The following TOP2B variants were observed in gnomAD, a reference collection of about 807,000 sequenced individuals.
The protein encoded by TOP2B is DNA topoisomerase II beta, also known as DNA topoisomerase 2-beta.
TOP2B carries 51 observed loss-of-function variants against 193.5 expected under a neutral mutation model. That is an observed-to-expected ratio of 0.26 (90% confidence interval 0.21 to 0.33). The LOEUF is 0.33. Ranked by LOEUF, TOP2B falls within the 10% of genes least tolerant of loss-of-function variation. TOP2B has a pLI of 1.00. For synonymous variants in TOP2B, 634 were observed against 635.7 expected, an observed-to-expected ratio of 1.00 and a Z score of 0.04; for missense variants, 1,378 against 1,909.3, an observed-to-expected ratio of 0.72 and a Z score of 5.19.
rs1702578491 is a variant in TOP2B at position 25,618,721 on chromosome 3, T to C, written c.3192A>G (p.Ala1064=). Residue 1064 remains alanine (A), a synonymous_variant, in exon 24 of 36, where the codon GCA becomes GCG. Coordinates refer to ENST00000264331, the MANE Select transcript of TOP2B (RefSeq NM_001330700.2). The part of the protein sequence containing the change: ...RKEWLVGMLG[A]ESTKLNNQAR... ...CTTGATTGTTAAGCTTTGTAGATTC[T>C]GCTCCCAACATTCCCACAAGCCACT... The C allele has an allele frequency of 5.0e-6, 8 of 1,613,528 alleles. No individual in the cohort carries two copies. The East Asian group carries it at 1.8e-4, about 36-fold the overall frequency.
At chr3:25,618,559 T>C in intron 24 of TOP2B, 50 bp from the exon 25 acceptor site, 1 of 1,545,260 alleles carries the variant, frequency 6.5e-7, no homozygotes, top group Non-Finnish European at 8.8e-7. Flanking sequence ...ATTCAATTTG[T>C]ATTTGCTTAT....
At chr3:25,637,101 G>GAAA in intron 6 of TOP2B, 114 bp downstream of exon 6, 2 of 708,380 alleles carry the variant, frequency 2.8e-6, no homozygotes, top group Non-Finnish European at 2.3e-6. Flanking sequence ...TAATGCTTTG[G>GAAA]AAAAAAAAAA....
At chr3:25,608,177 T>C (rs1329055499) in intron 30 of TOP2B, among the ~76,000 whole-genome samples, 3 of 152,092 alleles carry the variant, frequency 2.0e-5, no homozygotes, top group South Asian at 2.1e-4. Flanking sequence ...ATTTTTTAGA[T>C]GAATGAAAAA....
chr3:25,624,479 A>C lies in TOP2B; in HGVS notation c.2347-34T>G, dbSNP rs375691389. On this transcript the variant is annotated intron_variant, in intron 19 of 35. Coordinates refer to ENST00000264331, the MANE Select transcript of TOP2B (RefSeq NM_001330700.2). ...CAGAAGAAGGCAGAACATAACATTA[A>C]TATTCTAAATTTTCTATAATTACTC... is the stretch of plus-strand genomic sequence containing the variant. The C allele has an allele frequency of 3.7e-5, 59 of 1,584,936 alleles. No homozygotes were observed. In the African/African-American group the frequency reaches 6.4e-4, roughly 17 times the overall value.
At chr3:25,635,540 TAAAAAC>T (rs1174496119) in intron 7 of TOP2B, among the ~76,000 whole-genome samples, 1 of 152,068 alleles carries the variant, frequency 6.6e-6, no homozygotes, top group Non-Finnish European at 1.5e-5. Flanking sequence ...ATGGAAATGT[TAAAAAC>T]AAAAAACATA....
chr3:25,639,801 T>C (rs901383086), intron 4 of TOP2B, among the ~76,000 whole-genome samples: 7 of 152,210 alleles, frequency 4.6e-5, no homozygotes, highest in African/African-American at 1.7e-4. Flanking sequence ...CATGACCTTT[T>C]CCTTAAATTT....
chr3:25,662,380 A>T (rs776389772), intron 1 of TOP2B, among the ~76,000 whole-genome samples: 5 of 152,230 alleles, frequency 3.3e-5, no homozygotes, highest in African/African-American at 4.8e-5. Context: ...ATGCTCATAT[A>T]ACCTTAGAGT....
rs1357137757 is a variant in TOP2B, at chr3:25,642,357, A to C, written c.360T>G (p.Asp120Glu). Residue 120 changes from aspartate (D) to glutamate (E), a missense_variant, in exon 4 of 36, where the codon GAT (aspartate) becomes GAG (glutamate). This residue lies in a region of TOP2B where 21 missense variants were observed against 19.6 expected (regional missense o/e 1.07). Coordinates refer to ENST00000264331, the MANE Select transcript of TOP2B (RefSeq NM_001330700.2). ...AAACTTTAATACAAGTCATGTTCTT[A>C]TCCCTCTGTTTATTGTCAGCAGCAT... is the stretch of plus-strand genomic sequence containing the variant. Reference protein sequence around the residue: ...LVNAADNKQRDKNMTCIKVSI... With the variant: ...LVNAADNKQREKNMTCIKVSI... 1 of 1,549,360 alleles carries C rather than the reference A, an allele frequency of 6.5e-7. No homozygotes were observed. The highest frequency in any genetic ancestry group is 8.7e-7 in the Non-Finnish European group (1 of 1,144,716).
intron 21 of TOP2B, 70 bp from the exon 22 acceptor site, chr3:25,620,886 A>G: frequency 6.7e-7 from 1 of 1,489,890 alleles, no homozygotes. Flanking sequence ...ATGGTCTAAC[A>G]TTGACAGATT....
At chr3:25,619,414 G>A (rs1428534596) in intron 23 of TOP2B, among the ~76,000 whole-genome samples, 1 of 151,944 alleles carries the variant, frequency 6.6e-6, no homozygotes, top group Non-Finnish European at 1.5e-5. Context: ...AGATCTAAAA[G>A]CTAATTTGGA....
In TOP2B at chr3:25,615,513, T is replaced by G; in HGVS notation, c.3425A>C (p.Asp1142Ala). 1 of 1,577,926 alleles carries G rather than the reference T, an allele frequency of 6.3e-7. No individual in the cohort carries two copies. The highest frequency in any genetic ancestry group is 8.6e-7 in the Non-Finnish European group (1 of 1,161,292). ...SSDSGTPSGPDFNYILNMSLW... is the reference protein window; with the variant it reads ...SSDSGTPSGPAFNYILNMSLW... Reference sequence around the variant, plus strand: ...AGACATATTTAAAATATAATTAAAATCTGGGCCTGAAGGAGTTCCTGAATC... The same window carrying G: ...AGACATATTTAAAATATAATTAAAAGCTGGGCCTGAAGGAGTTCCTGAATC... The change falls in exon 26 of 36, where the codon GAT (aspartate) becomes GCT (alanine). Residue 1142 changes from aspartate (D) to alanine (A), a missense_variant. Asp to Ala is a moderately radical substitution (Grantham distance 126). Coordinates refer to ENST00000264331, the MANE Select transcript of TOP2B (RefSeq NM_001330700.2).
chr3:25,635,035 C>T (rs1703067474), intron 7 of TOP2B, among the ~76,000 whole-genome samples: 1 of 152,078 alleles, frequency 6.6e-6, no homozygotes, highest in Non-Finnish European at 1.5e-5. Flanking sequence ...TACCATCATG[C>T]TACCAAGCTT....
chr3:25,618,759 C>T lies in TOP2B; in HGVS notation c.3154G>A (p.Gly1052Ser), dbSNP rs776314891. The change falls in exon 24 of 36, where the codon GGT (glycine) becomes AGT (serine). Residue 1052 changes from glycine to serine, a missense_variant. By Grantham distance (56) the Gly-to-Ser change is moderately conservative. This residue lies in a region of TOP2B where 379 missense variants were observed against 615.1 expected (regional missense o/e 0.62). Transcript: ENST00000264331. ...CCCACAAGCCACTCCTTACGTAAACCGTAATAACTTAATCGTAAATCAAAG... is the reference window on the plus strand; with the variant it reads ...CCCACAAGCCACTCCTTACGTAAACTGTAATAACTTAATCGTAAATCAAAG... Reference protein sequence around the residue: ...EFFDLRLSYYGLRKEWLVGML... With the variant: ...EFFDLRLSYYSLRKEWLVGML... 90 of 1,613,200 alleles carry T rather than the reference C, an allele frequency of 5.6e-5. No homozygotes were observed. In the Admixed American group the frequency reaches 6.8e-4, roughly 12 times the overall value.
chr3:25,660,023 T>C (rs1442031049), intron 1 of TOP2B, among the ~76,000 whole-genome samples: 2 of 152,210 alleles, frequency 1.3e-5, no homozygotes, highest in African/African-American at 4.8e-5. Context: ...ATTCAAGAAG[T>C]TTATTTTTTA....
chr3:25,640,752 C>CTTTTTTTTTT (rs372465937), intron 4 of TOP2B, among the ~76,000 whole-genome samples: 3 of 106,992 alleles, frequency 2.8e-5, no homozygotes, highest in African/African-American at 3.3e-5. Context: ...TCTTCGTTGT[C>CTTTTTTTTTT]TTTTTTTTTT....
At chr3:25,648,431 G>T (rs1288496597) in intron 1 of TOP2B, among the ~76,000 whole-genome samples, 2 of 152,150 alleles carry the variant, frequency 1.3e-5, no homozygotes, top group Admixed American at 6.5e-5. Flanking sequence ...TAGACTAACT[G>T]GATGAAGAAA....
chr3:25,609,119 T>C, intron 30 of TOP2B, 64 bp downstream of exon 30: 2 of 1,379,462 alleles, frequency 1.4e-6, no homozygotes, highest in East Asian at 5.1e-5. Flanking sequence ...ACACTGATAA[T>C]ACTAACAATA....
chr3:25,623,704 G>C lies in TOP2B; in HGVS notation c.2538C>G (p.Leu846=), dbSNP rs1400416812. 1 of 1,613,680 alleles carries C rather than the reference G, an allele frequency of 6.2e-7. No homozygotes were observed. The highest frequency in any genetic ancestry group is 2.2e-5 in the East Asian group (1 of 44,850). Residue 846 remains leucine, a synonymous_variant, in exon 21 of 36, where the codon CTC becomes CTG. Coordinates refer to ENST00000264331, the MANE Select transcript of TOP2B (RefSeq NM_001330700.2). ...GATTATCATCATAAAGGAACTTAAGGAGGTTGTCATCCACAGCAGGAAAAA... is the reference window on the plus strand; with the variant it reads ...GATTATCATCATAAAGGAACTTAAGCAGGTTGTCATCCACAGCAGGAAAAA... ...RLLFPAVDDN[L]LKFLYDDNQR... is the part of the protein sequence containing the mutation.
Position 25,664,814 on chromosome 3 carries a change from C to T in TOP2B, c.-517G>A, listed in dbSNP as rs1345610631. On this transcript the variant is annotated 5_prime_UTR_variant, in exon 1 of 36. Coordinates refer to ENST00000264331, the MANE Select transcript of TOP2B (RefSeq NM_001330700.2). Reference sequence around the variant, plus strand: ...CTTAGCCTCGCTGCAGCCCCGATTTCCTCACACACACACACCGAGAGGGAC... The same window carrying T: ...CTTAGCCTCGCTGCAGCCCCGATTTTCTCACACACACACACCGAGAGGGAC... 1.0e-6 allele frequency: 1 copy of T among 987,492 alleles called. No homozygotes were observed. The highest frequency in any genetic ancestry group is 1.2e-6 in the Non-Finnish European group (1 of 829,544). 61.2% of individuals were successfully genotyped at this position (987,492 alleles called of 1,614,324 possible).
Sources: allele counts gnomAD v4.1 joint callset (sites outside exome capture counted in the v4.1 genomes callset), GRCh38; gene constraint gnomAD v4.1.1; regional missense constraint gnomAD v4.1.1; transcripts MANE v1.5; gene names NCBI Gene and HGNC (gene_info 2026-07-23, HGNC 2026-07-21).